Variants in PDE4C observed in about 807,000 individuals in gnomAD.
PDE4C encodes phosphodiesterase 4C.
A neutral mutation model predicts 63.9 loss-of-function variants in PDE4C; 50 were observed. That is an observed-to-expected ratio of 0.78 (90% CI 0.62 to 0.99). The LOEUF is 0.99. Among genes scored for constraint, PDE4C ranks in the 50% least tolerant of loss-of-function variants. PDE4C has a pLI of 0.00. For missense variants in PDE4C, 777 were observed against 899.1 expected (o/e 0.86, Z 1.74); for synonymous variants, 377 against 385.1 (o/e 0.98, Z 0.25).
chr19:18,222,729 C>A (rs1968549463), intron 1 of PDE4C, among the ~76,000 whole-genome samples: 1 of 114,036 alleles, frequency 8.8e-6, no homozygotes, highest in African/African-American at 3.3e-5. Context: ...TGACAGGGCC[C>A]CACTTTGTCA....
chr19:18,241,482 T>C (rs1969038234), intron 1 of PDE4C, among the ~76,000 whole-genome samples: 1 of 151,978 alleles, frequency 6.6e-6, no homozygotes, highest in Non-Finnish European at 1.5e-5. Flanking sequence ...TTAGCTGGGA[T>C]GGTCTCGATC....
At chr19:18,240,853 T>G (rs1969024133) in intron 1 of PDE4C, among the ~76,000 whole-genome samples, 1 of 152,164 alleles carries the variant, frequency 6.6e-6, no homozygotes, top group African/African-American at 2.4e-5. Flanking sequence ...TCTGTGTGTG[T>G]AAGGGATGCA....
upstream of PDE4C, among the ~76,000 whole-genome samples, chr19:18,229,493 A>C (rs1968806296): frequency 6.6e-6 from 1 of 152,142 alleles, no homozygotes; most frequent in Non-Finnish European, 1.5e-5. Context: ...CGTCTGCCTC[A>C]GTCTCCCAAA....
At chr19:18,217,340 AT>A in intron 11 of PDE4C, 1 of 153,516 alleles carries the variant, frequency 6.5e-6, no homozygotes, top group Non-Finnish European at 1.4e-5. Flanking sequence ...AATTTTTGTT[AT>A]TTTTTTGAGA....
intron 1 of PDE4C, chr19:18,232,868 A>C: frequency 4.7e-6 from 6 of 1,279,578 alleles, no homozygotes; most frequent in Non-Finnish European, 6.1e-6. Flanking sequence ...CCCCCTGGAG[A>C]AGCAAGGACC....
At position 18,219,215 on chromosome 19, in the gene PDE4C, A is replaced by C. The variant is rs1156831468; in HGVS notation, c.870+19T>G. The C allele has an allele frequency of 6.2e-7, 1 of 1,613,896 alleles. No homozygotes were observed. On this transcript the variant is annotated intron_variant, in intron 8 of 14. Coordinates refer to ENST00000262805, the Ensembl canonical transcript of PDE4C. ...CCAGGGACCAAACCTTGATCTTGGC[A>C]TTGTGGTTGGGGACCCACCTTGGCC...
chr19:18,244,897 G>A (rs12462405), intron 1 of PDE4C, among the ~76,000 whole-genome samples: 91,936 of 150,970 alleles, frequency 0.61, 28,133 homozygotes, highest in Middle Eastern at 0.72. Flanking sequence ...GTGCAGTGGC[G>A]CGATATTGTC....
At chr19:18,217,676 C>G (rs551288329) in intron 11 of PDE4C, among the ~76,000 whole-genome samples, 3 of 152,100 alleles carry the variant, frequency 2.0e-5, no homozygotes, top group Admixed American at 6.6e-5. Context: ...GCAGACAGAT[C>G]GCTTGAGGCC....
At chr19:18,242,149 C>T (rs549715154) in intron 1 of PDE4C, among the ~76,000 whole-genome samples, 2 of 152,074 alleles carry the variant, frequency 1.3e-5, no homozygotes, top group East Asian at 1.9e-4. Flanking sequence ...TGCGAAGGCC[C>T]GGAGGTGGCA....
In PDE4C at chr19:18,221,309, C is replaced by G; in HGVS notation, c.339-12G>C. 1 of 1,539,118 alleles carries G rather than the reference C, an allele frequency of 6.5e-7. No individual in the cohort carries two copies. On this transcript the variant is annotated splice_polypyrimidine_tract_variant and intron_variant, in intron 2 of 14. Transcript: ENST00000262805. ...TGTCCTCTCCATGTCTGCGAGGAGA[C>G]GGGCCATCAGGGAGAGCTCTCTCCC... is the stretch of plus-strand genomic sequence containing the variant.
chr19:18,235,359 C>CATTTA (rs1490228154), upstream of PDE4C, among the ~76,000 whole-genome samples: 4 of 152,150 alleles, frequency 2.6e-5, no homozygotes, highest in Non-Finnish European at 5.9e-5. Context: ...TTAGTAGAGA[C>CATTTA]GCAGTTTCAC....
chr19:18,218,304 G>C, intron 10 of PDE4C, 30 bp downstream of exon 10: 1 of 1,613,202 alleles, frequency 6.2e-7, no homozygotes, highest in Non-Finnish European at 8.5e-7. Flanking sequence ...CCCTGCACCC[G>C]CCCACCTGCC....
chr19:18,221,259 A>C lies in PDE4C; in HGVS notation c.375+2T>G. ...AGGGCAGGGAGGGCGGGGGACACCC[A>C]CCTGGGCAAAGGGCGTCACAATCAT... is the stretch of plus-strand genomic sequence containing the variant. On this transcript the variant is annotated splice_donor_variant, in intron 3 of 14. Coordinates refer to ENST00000262805, the Ensembl canonical transcript of PDE4C. LOFTEE classifies it high-confidence loss of function. 6.5e-7 allele frequency: 1 copy of C among 1,545,546 alleles called. No homozygotes were observed.
At chr19:18,251,909 C>A (rs1413892005), upstream of PDE4C, among the ~76,000 whole-genome samples, 2 of 151,982 alleles carry the variant, frequency 1.3e-5, no homozygotes, top group East Asian at 3.9e-4. Flanking sequence ...TTAATAAATG[C>A]GCATAGCATG....
chr19:18,229,230 T>C (rs1198184453), upstream of PDE4C, among the ~76,000 whole-genome samples: 1 of 151,428 alleles, frequency 6.6e-6, no homozygotes, highest in Non-Finnish European at 1.5e-5. Context: ...ATTACAGGCG[T>C]GAGCCACTGT....
At chr19:18,241,709 C>A (rs557578146) in intron 1 of PDE4C, among the ~76,000 whole-genome samples, 36 of 152,094 alleles carry the variant, frequency 2.4e-4, no homozygotes, top group African/African-American at 8.4e-4. Flanking sequence ...ACCACAACTC[C>A]CAGCTAATTT....
upstream of PDE4C, among the ~76,000 whole-genome samples, chr19:18,238,041 T>C (rs566983350): frequency 1.3e-5 from 2 of 151,718 alleles, no homozygotes; most frequent in Non-Finnish European, 2.9e-5. Flanking sequence ...CTGAGTAAAA[T>C]AGTGAGACAC....
At chr19:18,228,538 G>A (rs576986195), upstream of PDE4C, among the ~76,000 whole-genome samples, 5 of 152,270 alleles carry the variant, frequency 3.3e-5, no homozygotes, top group South Asian at 4.1e-4. Context: ...GGGTCCTCCC[G>A]CACTGGATGC....
chr19:18,211,210 C>A, exon 15 of PDE4C: 1 of 1,613,334 alleles, frequency 6.2e-7, no homozygotes, highest in Non-Finnish European at 8.5e-7. Context: ...AGGTCCTGTG[C>A]ATCTGGGTGG....
Sources: gnomAD v4.1 joint callset for allele counts (sites outside exome capture counted in the v4.1 genomes callset) on GRCh38, gnomAD v4.1.1 for gene constraint, MANE v1.5 for transcripts, NCBI Gene and HGNC (gene_info 2026-07-23, HGNC 2026-07-21) for gene names.